LRPPRC: variants seen among roughly 807,000 people sequenced by gnomAD.
LRPPRC encodes leucine-rich PPR motif-containing protein, mitochondrial.
LRPPRC carries 120 observed loss-of-function variants against 180.3 expected under a neutral mutation model. The ratio of observed to expected loss-of-function variants is 0.67; its 90% CI spans 0.57 to 0.77. The LOEUF is 0.77. Among genes scored for constraint, LRPPRC ranks in the 30% least tolerant of loss-of-function variants. The pLI, the probability that LRPPRC is intolerant of heterozygous loss-of-function variation, is 0.00. For synonymous variants in LRPPRC, 723 were observed against 600.0 expected (o/e 1.21, Z -3.00); for missense variants, 2,012 against 1,657.2 (o/e 1.21, Z -3.72).
chr2:43,987,400 C>G (rs1674574214), intron 1 of LRPPRC, among the ~76,000 whole-genome samples: 1 of 143,618 alleles, frequency 7.0e-6, no homozygotes, highest in Non-Finnish European at 1.5e-5. Context: ...GAAGCTGAGG[C>G]AGGAGAATGG....
At chr2:43,951,258 A>G (rs753839603) in intron 14 of LRPPRC, among the ~76,000 whole-genome samples, 3 of 152,236 alleles carry the variant, frequency 2.0e-5, no homozygotes, top group Non-Finnish European at 4.4e-5. Context: ...AGAATAAAAT[A>G]CAGTAAAATA....
At position 43,902,868 on chromosome 2, in the gene LRPPRC, G is replaced by A. The variant is rs550928701; in HGVS notation, c.3365-1344C>T. 7 of 152,262 alleles carry A rather than the reference G, an allele frequency of 4.6e-5. No homozygotes were observed. The South Asian group carries it at 1.4e-3, about 32-fold the overall frequency. The allele number at this position is 152,262 out of a possible 1,614,324, so 9.4% of individuals were successfully genotyped here. Reference sequence around the variant, plus strand: ...AATAACAAAAATAAGATTAATGATGGTGATGACAGTAACTCAAACTTATTG... The same window carrying A: ...AATAACAAAAATAAGATTAATGATGATGATGACAGTAACTCAAACTTATTG... On this transcript the variant is annotated intron_variant, in intron 31 of 37. Coordinates refer to ENST00000260665, the MANE Select transcript of LRPPRC (RefSeq NM_133259.4).
At chr2:43,943,536 A>G (rs1181947830) in intron 23 of LRPPRC, 151 bp downstream of exon 23, 1 of 664,110 alleles carries the variant, frequency 1.5e-6, no homozygotes, top group East Asian at 2.7e-5. Flanking sequence ...GTGATTTTAA[A>G]GGTCACCTAG....
chr2:43,914,172 C>G, intron 29 of LRPPRC, among the ~76,000 whole-genome samples: 1 of 152,008 alleles, frequency 6.6e-6, no homozygotes, highest in Non-Finnish European at 1.5e-5. Flanking sequence ...TGTTTGGAAA[C>G]TCTTGTTGTT....
At chr2:43,936,363 G>C (rs72877175) in intron 23 of LRPPRC, among the ~76,000 whole-genome samples, 2 of 152,046 alleles carry the variant, frequency 1.3e-5, no homozygotes, top group Admixed American at 1.3e-4. Context: ...AGAAATTAAC[G>C]ATTTATGAAA....
intron 34 of LRPPRC, 76 bp from the exon 35 acceptor site, chr2:43,896,784 G>C (rs1009109411): frequency 2.2e-6 from 2 of 893,714 alleles, no homozygotes; most frequent in Non-Finnish European, 3.8e-6. Context: ...TTCCAATTAA[G>C]AAAGTTCACA....
chr2:43,904,270 C>G (rs2104998315), intron 31 of LRPPRC: 1 of 152,162 alleles, frequency 6.6e-6, no homozygotes, highest in East Asian at 1.9e-4. Flanking sequence ...GAAGTGTTTT[C>G]TATTCACTTA....
At chr2:43,950,708 G>C in intron 14 of LRPPRC, 108 bp from the exon 15 acceptor site, 1 of 809,308 alleles carries the variant, frequency 1.2e-6, no homozygotes, top group Non-Finnish European at 2.1e-6. Context: ...GTAAATAAAT[G>C]TTTGCTGTAT....
At chr2:43,912,333 G>T in intron 30 of LRPPRC, 99 bp downstream of exon 30, 1 of 1,093,686 alleles carries the variant, frequency 9.1e-7, no homozygotes, top group Non-Finnish European at 1.4e-6. Context: ...GGCCAATCAA[G>T]CAATTTTACT....
chr2:43,966,921 C>G (rs1311021173), intron 11 of LRPPRC, among the ~76,000 whole-genome samples: 3 of 151,720 alleles, frequency 2.0e-5, no homozygotes, highest in African/African-American at 4.8e-5. Context: ...TGTGGTGGCA[C>G]ACACCTGTAA....
chr2:43,913,253 CT>C (rs1671327511), intron 29 of LRPPRC, among the ~76,000 whole-genome samples: 1 of 152,162 alleles, frequency 6.6e-6, no homozygotes. Context: ...AGTAACTACA[CT>C]TTTCAGTCAC....
At chr2:43,970,933 T>C (rs1320144395) in intron 11 of LRPPRC, among the ~76,000 whole-genome samples, 2 of 152,112 alleles carry the variant, frequency 1.3e-5, no homozygotes, top group Non-Finnish European at 1.5e-5. Flanking sequence ...ACCCCGTCTC[T>C]ACTAAAAATA....
At chr2:43,893,861 A>C (rs1438076672) in intron 36 of LRPPRC, among the ~76,000 whole-genome samples, 1 of 152,180 alleles carries the variant, frequency 6.6e-6, no homozygotes, top group African/African-American at 2.4e-5. Flanking sequence ...TTGTCCTCCC[A>C]TAGATAAAAT....
At chr2:43,929,604 G>A (rs1672012317) in intron 25 of LRPPRC, among the ~76,000 whole-genome samples, 1 of 151,936 alleles carries the variant, frequency 6.6e-6, no homozygotes, top group South Asian at 2.1e-4. Context: ...ATTTACTGAA[G>A]AAAAACCTAC....
At chr2:43,910,144 T>A (rs369928067) in intron 30 of LRPPRC, among the ~76,000 whole-genome samples, 1 of 152,160 alleles carries the variant, frequency 6.6e-6, no homozygotes, top group East Asian at 1.9e-4. Flanking sequence ...CAATTGCAGT[T>A]TTGAAACTAC....
At chr2:43,979,024 G>C (rs1043236461) in intron 3 of LRPPRC, among the ~76,000 whole-genome samples, 1 of 151,946 alleles carries the variant, frequency 6.6e-6, no homozygotes, top group Non-Finnish European at 1.5e-5. Context: ...GTCGGTTTTA[G>C]ATTTTTAACA....
intron 36 of LRPPRC, chr2:43,890,504 G>T: frequency 3.0e-6 from 1 of 328,740 alleles, no homozygotes; most frequent in Non-Finnish European, 6.4e-6. Context: ...ACGAGGTTAG[G>T]AGATCGAGAC....
At position 43,918,095 on chromosome 2, in the gene LRPPRC, C is replaced by A; in HGVS notation, c.3078G>T (p.Ser1026=). The change falls in exon 29 of 38, where the codon TCG becomes TCT. Residue 1026 remains serine (S), a synonymous_variant. Transcript: ENST00000260665. ...AATCAGGTTCTGTGGTTGAGGCTGA[C>A]GAAGAATTCAGGGAATGTTTTTCAT... is the stretch of plus-strand genomic sequence containing the variant. ...YEDEKHSLNS[S]SASTTEPDFQ... 1 of 1,612,974 alleles carries A rather than the reference C, an allele frequency of 6.2e-7. No individual in the cohort carries two copies. The highest frequency in any genetic ancestry group is 8.5e-7 in the Non-Finnish European group (1 of 1,179,636).
intron 2 of LRPPRC, among the ~76,000 whole-genome samples, chr2:43,981,113 G>A (rs1674288563): frequency 6.6e-6 from 1 of 152,088 alleles, no homozygotes; most frequent in Admixed American, 6.5e-5. Context: ...TTTGCATGAG[G>A]CTTTTGGGGG....
Sources: allele counts gnomAD v4.1 joint callset (sites outside exome capture counted in the v4.1 genomes callset), GRCh38; gene constraint gnomAD v4.1.1; transcripts MANE v1.5; gene names NCBI Gene and HGNC (gene_info 2026-07-23, HGNC 2026-07-21).